The following STK32A variants were observed in gnomAD, a reference collection of about 807,000 sequenced individuals.
The protein encoded by STK32A is serine/threonine-protein kinase 32A.
In STK32A, 41 loss-of-function variants were observed where a neutral mutation model predicts 53.2. The ratio of observed to expected loss-of-function variants is 0.77; its 90% confidence interval spans 0.60 to 1.00. STK32A has a LOEUF of 1.00. Ranked by LOEUF, STK32A falls within the 50% of genes least tolerant of loss-of-function variation. STK32A has a pLI of 0.00. For missense variants in STK32A, 458 were observed against 485.8 expected, an observed-to-expected ratio of 0.94 and a Z score of 0.54; for synonymous variants, 166 against 162.8, an observed-to-expected ratio of 1.02 and a Z score of -0.15.
chr5:147,332,966 C>T (rs1398795715), intron 5 of STK32A, among the ~76,000 whole-genome samples: 1 of 152,218 alleles, frequency 6.6e-6, no homozygotes, highest in African/African-American at 2.4e-5. Flanking sequence ...TACAGGTTAA[C>T]ATTTAACTAG....
At chr5:147,399,531 C>A in the STK32A span, among the ~76,000 whole-genome samples, 1 of 152,282 alleles carries the variant, frequency 6.6e-6, no homozygotes, top group South Asian at 2.1e-4. Context: ...TACTCATTTT[C>A]TTCTTCTAAT....
chr5:147,311,294 C>G (rs1325005052), intron 4 of STK32A, among the ~76,000 whole-genome samples: 1 of 152,142 alleles, frequency 6.6e-6, no homozygotes, highest in Non-Finnish European at 1.5e-5. Flanking sequence ...AGATGATTGG[C>G]TTCAGGAAGA....
Position 147,351,110 on chromosome 5 carries a change from G to A in STK32A, c.518G>A (p.Arg173Lys), listed in dbSNP as rs552347179. The A allele has an allele frequency of 9.0e-5, 145 of 1,613,866 alleles. 1 individual carries two copies. In the South Asian group the frequency reaches 1.4e-3, roughly 16 times the overall value. Reference sequence around the variant, plus strand: ...TTCAACATTGCTGCGATGCTGCCCAGGGAGACACAGATTACCACCATGGCT... The same window carrying A: ...TTCAACATTGCTGCGATGCTGCCCAAGGAGACACAGATTACCACCATGGCT... ...TDFNIAAMLP[R>K]ETQITTMAGT... is the part of the protein sequence containing the mutation. The change falls in exon 7 of 13, where the codon AGG (arginine) becomes AAG (lysine). Residue 173 changes from arginine (R) to lysine (K), a missense_variant. By Grantham distance (26) the Arg-to-Lys change is conservative. Coordinates refer to ENST00000397936, the MANE Select transcript of STK32A (RefSeq NM_001112724.2).
intron 2 of STK32A, among the ~76,000 whole-genome samples, chr5:147,252,144 C>G (rs1278155482): frequency 6.6e-6 from 1 of 152,132 alleles, no homozygotes; most frequent in Non-Finnish European, 1.5e-5. Context: ...AAGACCCTGT[C>G]TCACCAAAAA....
chr5:147,398,745 A>G, the STK32A span, among the ~76,000 whole-genome samples: 1 of 152,170 alleles, frequency 6.6e-6, no homozygotes, highest in East Asian at 1.9e-4. Flanking sequence ...GCCATGTGAG[A>G]GGCAGTGACG....
At chr5:147,366,090 C>T (rs550791364) in intron 8 of STK32A, among the ~76,000 whole-genome samples, 1 of 152,152 alleles carries the variant, frequency 6.6e-6, no homozygotes, top group African/African-American at 2.4e-5. Flanking sequence ...TATCTGCACC[C>T]CCGCCCACTC....
intron 4 of STK32A, among the ~76,000 whole-genome samples, chr5:147,289,328 A>G (rs974589918): frequency 6.6e-6 from 1 of 152,156 alleles, no homozygotes; most frequent in African/African-American, 2.4e-5. Context: ...TTATAAAGTA[A>G]CAGCAATACT....
chr5:147,318,680 G>GT (rs1754138139), intron 4 of STK32A, among the ~76,000 whole-genome samples: 1 of 151,714 alleles, frequency 6.6e-6, no homozygotes, highest in South Asian at 2.1e-4. Flanking sequence ...GGAGGCTGAG[G>GT]TGGGAGGATC....
chr5:147,390,498 A>C (rs891235234), downstream of STK32A, among the ~76,000 whole-genome samples: 14 of 148,802 alleles, frequency 9.4e-5, no homozygotes, highest in Non-Finnish European at 1.6e-4. Context: ...AAAAAAACCC[A>C]AAACAAAAAG....
chr5:147,250,061 T>G (rs62380971), intron 2 of STK32A, among the ~76,000 whole-genome samples: 23,764 of 151,984 alleles, frequency 0.16, 2,154 homozygotes, highest in East Asian at 0.34. Flanking sequence ...ACTGATGGCT[T>G]GAATGTGGGG....
intron 5 of STK32A, among the ~76,000 whole-genome samples, chr5:147,328,816 C>T (rs1435982680): frequency 6.6e-6 from 1 of 152,088 alleles, no homozygotes; most frequent in African/African-American, 2.4e-5. Context: ...ATATTATAAT[C>T]CAAAGACAAA....
intron 1 of STK32A, among the ~76,000 whole-genome samples, chr5:147,235,770 G>A (rs1474113442): frequency 2.6e-5 from 4 of 152,154 alleles, no homozygotes; most frequent in Admixed American, 6.5e-5. Flanking sequence ...ACTGTAAAAT[G>A]TTTATCACAT....
chr5:147,395,746 C>CCATT, the STK32A span: 11,710 of 1,612,022 alleles, frequency 7.3e-3, 94 homozygotes, highest in South Asian at 0.022. Flanking sequence ...GAGCATGTCA[C>CCATT]CATTCATTCA....
intron 2 of STK32A, among the ~76,000 whole-genome samples, chr5:147,256,266 CT>C (rs903787399): frequency 9.2e-5 from 14 of 152,286 alleles, no homozygotes; most frequent in Admixed American, 2.6e-4. Context: ...CTGGATGGCC[CT>C]TGGGGGCTGA....
At chr5:147,381,637 T>C (rs1305669235) in intron 11 of STK32A, among the ~76,000 whole-genome samples, 9 of 143,804 alleles carry the variant, frequency 6.3e-5, no homozygotes, top group Non-Finnish European at 3.0e-5. Context: ...AGCAAAAGTC[T>C]GTCAGAAAAA....
rs180757918 is a variant in STK32A, at chr5:147,284,110, G to C, written c.260+4712G>C. 5.8e-3 allele frequency among the ~76,000 whole-genome samples: 887 copies of C among 152,128 alleles called. 10 individuals carry two copies. The highest frequency in any genetic ancestry group is 6.1e-3 in the Non-Finnish European group (417 of 67,976). Reference sequence around the variant, plus strand: ...GGTTTCATATCAGGGATGCAGGAATGGCTTAACATACACAAGTCAATAAAT... The same window carrying C: ...GGTTTCATATCAGGGATGCAGGAATCGCTTAACATACACAAGTCAATAAAT... On this transcript the variant is annotated intron_variant, in intron 4 of 12. Transcript: ENST00000397936.
chr5:147,389,523 T>A (rs1757747707), downstream of STK32A, among the ~76,000 whole-genome samples: 1 of 152,152 alleles, frequency 6.6e-6, no homozygotes, highest in African/African-American at 2.4e-5. Flanking sequence ...TCTCTCCCTC[T>A]TCTGAGGTTA....
intron 6 of STK32A, 113 bp from the exon 7 acceptor site, chr5:147,350,952 G>A: frequency 1.2e-6 from 1 of 810,514 alleles, no homozygotes; most frequent in South Asian, 1.5e-5. Context: ...AGGATGGACT[G>A]CAACTGGCCT....
At chr5:147,348,359 C>A (rs1179805396) in intron 6 of STK32A, among the ~76,000 whole-genome samples, 1 of 152,162 alleles carries the variant, frequency 6.6e-6, no homozygotes, top group African/African-American at 2.4e-5. Context: ...AAAATGTAAT[C>A]TCAAACTTTA....
Sources: allele counts gnomAD v4.1 joint callset (sites outside exome capture counted in the v4.1 genomes callset), GRCh38; gene constraint gnomAD v4.1.1; transcripts MANE v1.5; gene names NCBI Gene and HGNC (gene_info 2026-07-23, HGNC 2026-07-21).